The following SPTA1 variants were observed in gnomAD, a reference collection of about 807,000 sequenced individuals.
The protein encoded by SPTA1 is spectrin alpha, erythrocytic 1, also known as spectrin alpha chain, erythrocytic 1.
SPTA1 carries 177 observed loss-of-function variants against 324.7 expected under a neutral mutation model. That is an observed-to-expected ratio of 0.55 (90% CI 0.48 to 0.62). The LOEUF (loss-of-function observed/expected upper bound fraction) is 0.62. SPTA1 is among the 20% of genes least tolerant of loss of function. SPTA1 has a pLI of 0.00. For synonymous variants in SPTA1, 1,195 were observed against 1,041.3 expected (o/e 1.15, Z -2.84); for missense variants, 3,162 against 2,883.6 (o/e 1.10, Z -2.21).
At position 158,640,895 on chromosome 1, in the gene SPTA1, C is replaced by T. The variant is rs1001960348; in HGVS notation, c.4738-888G>A. ...AACAAAGCTGGAGGCATCACGCTAC[C>T]TGACTTCAAACTATACTACAAGGCT... On this transcript the variant is annotated intron_variant, in intron 33 of 51. Transcript: ENST00000643759. Among the ~76,000 whole-genome samples the T allele has an allele frequency of 6.2e-4, 95 of 152,174 alleles. 2 individuals are homozygous for T. Among genetic ancestry groups the T allele is most frequent in the Non-Finnish European group, 2.1e-4 (14 of 68,042 alleles).
rs747751954 is a variant in SPTA1 at position 158,653,390 on chromosome 1, G to A, written c.3072C>T (p.Gly1024=). The change falls in exon 22 of 52, where the codon GGC becomes GGT. Residue 1024 remains glycine, a synonymous_variant. Coordinates refer to ENST00000643759, the MANE Select transcript of SPTA1 (RefSeq NM_003126.4). Reference sequence around the variant, plus strand: ...TTCTGACATAGACAGCTGGGACAATGCCCTGATGATCAGCAGCTTCCACCT... The same window carrying A: ...TTCTGACATAGACAGCTGGGACAATACCCTGATGATCAGCAGCTTCCACCT... ...WWKVEAADHQ[G]IVPAVYVRRL... is the part of the protein sequence containing the mutation. 235 of 1,613,956 alleles carry A rather than the reference G, an allele frequency of 1.5e-4. No individual in the cohort carries two copies. Among genetic ancestry groups the A allele is most frequent in the Non-Finnish European group, 1.9e-4 (229 of 1,180,008 alleles).
chr1:158,647,526 C>A lies in SPTA1; in HGVS notation c.3896+13G>T, dbSNP rs1364787961. ...TTAGAGGCCAGACACGGAAGTTACCCACCCCACTCTACCTGGCCTTGCTGA... is the reference window on the plus strand; with the variant it reads ...TTAGAGGCCAGACACGGAAGTTACCAACCCCACTCTACCTGGCCTTGCTGA... On this transcript the variant is annotated intron_variant, in intron 27 of 51. Coordinates refer to ENST00000643759, the MANE Select transcript of SPTA1 (RefSeq NM_003126.4). 2 of 1,612,564 alleles carry A rather than the reference C, an allele frequency of 1.2e-6. No individual in the cohort carries two copies. Among genetic ancestry groups the A allele is most frequent in the African/African-American group, 1.3e-5 (1 of 74,858 alleles).
intron 20 of SPTA1, among the ~76,000 whole-genome samples, chr1:158,656,261 G>C (rs1652817168): frequency 6.6e-6 from 1 of 152,050 alleles, no homozygotes; most frequent in Non-Finnish European, 1.5e-5. Flanking sequence ...AAGATAAGAA[G>C]GAGAGACATA....
intron 39 of SPTA1, among the ~76,000 whole-genome samples, chr1:158,629,946 G>A (rs926402480): frequency 1.3e-5 from 2 of 151,542 alleles, no homozygotes; most frequent in Non-Finnish European, 3.0e-5. Context: ...AACCAAGGAG[G>A]TGAAAAGCTC....
At chr1:158,668,189 A>G in intron 14 of SPTA1, 127 bp from the exon 15 acceptor site, 3 of 1,063,030 alleles carry the variant, frequency 2.8e-6, no homozygotes, top group Non-Finnish European at 4.2e-6. Flanking sequence ...TAAAAGGGGG[A>G]AGTTTCCTAG....
intron 23 of SPTA1, among the ~76,000 whole-genome samples, chr1:158,651,877 AGT>A (rs1241625971): frequency 3.5e-5 from 5 of 143,766 alleles, no homozygotes; most frequent in Non-Finnish European, 5.9e-5. Context: ...AGCTCTAGGG[AGT>A]GCTCTCTCTC....
rs1649764831 is a variant in SPTA1, at chr1:158,619,347, A to G, written c.6418-13T>C. The G allele has an allele frequency of 1.2e-6, 2 of 1,613,412 alleles. No individual in the cohort carries two copies. The highest frequency in any genetic ancestry group is 1.3e-5 in the African/African-American group (1 of 75,032). ...CCTGCTCCCGTTCCTAAAACCCCAA[A>G]TCACAGACAACGTGACTGACATCGA... is the stretch of plus-strand genomic sequence containing the variant. On this transcript the variant is annotated splice_polypyrimidine_tract_variant and intron_variant, in intron 44 of 51. Transcript: ENST00000643759.
rs371700284 is a variant in SPTA1 at position 158,674,384 on chromosome 1, G to A, written c.1295C>T (p.Thr432Ile). ...ATTGGCATTCACGAGGTCTTGACCA[G>A]TCTCATCAGCAGATTGAAATCGGTC... The part of the protein sequence containing the change: ...YDDRFQSADE[T>I]GQDLVNANHE... Residue 432 changes from threonine (T) to isoleucine (I), a missense_variant, in exon 10 of 52, where the codon ACT becomes ATT. Transcript: ENST00000643759. 1.9e-6 allele frequency: 3 copies of A among 1,614,004 alleles called. No homozygotes were observed. The highest frequency in any genetic ancestry group is 2.7e-5 in the African/African-American group (2 of 74,918).
chr1:158,623,179 G>T lies in SPTA1; in HGVS notation c.5924C>A (p.Ala1975Asp), dbSNP rs371752399. The T allele has an allele frequency of 3.7e-6, 6 of 1,614,000 alleles. No individual in the cohort carries two copies. The African/African-American group carries it at 8.0e-5, about 22-fold the overall frequency. ...TLLAKQDTLDASLQSFQQERL... is the reference protein window; with the variant it reads ...TLLAKQDTLDDSLQSFQQERL... ...CTCTTGCTGGAAACTCTGCAGACTG[G>T]CATCCAGAGTGTCCTGAGAAAGATC... Residue 1975 changes from alanine (A) to aspartate (D), a missense_variant, in exon 43 of 52, where the codon GCC becomes GAC. Transcript: ENST00000643759.
At chr1:158,664,272 G>A (rs1653440728) in intron 16 of SPTA1, among the ~76,000 whole-genome samples, 1 of 152,092 alleles carries the variant, frequency 6.6e-6, no homozygotes, top group Non-Finnish European at 1.5e-5. Context: ...AGACTTAAAA[G>A]CAGCTCAGAT....
chr1:158,652,746 A>C, intron 22 of SPTA1, 93 bp from the exon 23 acceptor site: 2 of 1,408,126 alleles, frequency 1.4e-6, no homozygotes, highest in Non-Finnish European at 2.0e-6. Flanking sequence ...AAGGAACAAA[A>C]ATGAAAGGGA....
At chr1:158,665,549 C>T (rs1653533324) in intron 16 of SPTA1, among the ~76,000 whole-genome samples, 1 of 152,082 alleles carries the variant, frequency 6.6e-6, no homozygotes, top group Admixed American at 6.6e-5. Flanking sequence ...TGAAATCTCC[C>T]AAACCTCACA....
Position 158,619,335 on chromosome 1 carries a change from C to T in SPTA1, c.6418-1G>A. The T allele has an allele frequency of 6.2e-7, 1 of 1,614,076 alleles. No homozygotes were observed. Among genetic ancestry groups the T allele is most frequent in the Non-Finnish European group, 8.5e-7 (1 of 1,179,944 alleles). Reference sequence around the variant, plus strand: ...CCTTTTGCAGCTCCTGCTCCCGTTCCTAAAACCCCAAATCACAGACAACGT... The same window carrying T: ...CCTTTTGCAGCTCCTGCTCCCGTTCTTAAAACCCCAAATCACAGACAACGT... On this transcript the variant is annotated splice_acceptor_variant, in intron 44 of 51. Transcript: ENST00000643759. LOFTEE classifies it high-confidence loss of function.
chr1:158,685,669 G>A (rs1655124292), intron 1 of SPTA1, among the ~76,000 whole-genome samples: 1 of 152,044 alleles, frequency 6.6e-6, no homozygotes, highest in Admixed American at 6.6e-5. Flanking sequence ...CATAATTTCA[G>A]ATAGATAAAA....
At chr1:158,643,301 A>C in intron 31 of SPTA1, 21 bp downstream of exon 31, 1 of 1,613,260 alleles carries the variant, frequency 6.2e-7, no homozygotes, top group Admixed American at 1.7e-5. Context: ...TTGGCACATA[A>C]AACAATCACT....
chr1:158,647,426 G>T, intron 27 of SPTA1, 113 bp downstream of exon 27: 3 of 1,328,066 alleles, frequency 2.3e-6, no homozygotes, highest in Non-Finnish European at 3.2e-6. Flanking sequence ...CAAGAGGTGA[G>T]ACTTAAACGT....
chr1:158,675,903 T>C (rs937346524), intron 8 of SPTA1, among the ~76,000 whole-genome samples: 9 of 152,178 alleles, frequency 5.9e-5, no homozygotes, highest in Non-Finnish European at 1.2e-4. Flanking sequence ...AATTTTCCAT[T>C]TAACATTTTC....
chr1:158,669,654 A>G lies in SPTA1; in HGVS notation c.1677+55T>C, dbSNP rs566255764. 25 of 1,613,182 alleles carry G rather than the reference A, an allele frequency of 1.5e-5. No individual in the cohort carries two copies. The Admixed American group carries it at 4.2e-4, about 27-fold the overall frequency. On this transcript the variant is annotated intron_variant, in intron 13 of 51. Coordinates refer to ENST00000643759, the MANE Select transcript of SPTA1 (RefSeq NM_003126.4). ...CACCCTGGTCACCATGCCCACCAAA[A>G]CTCTTCTTGATTCTAGTGTGTAGGC...
rs546894415 is a variant in SPTA1 at position 158,640,702 on chromosome 1, C to T, written c.4738-695G>A. Among the ~76,000 whole-genome samples, 6 of 152,276 alleles carry T rather than the reference C, an allele frequency of 3.9e-5. No individual in the cohort carries two copies. In the South Asian group the frequency reaches 1.2e-3, roughly 32 times the overall value. ...AACAAATGGAAGAATATTCCATGCT[C>T]ATGGGTAGGAAGAATCAATGGCCAT... On this transcript the variant is annotated intron_variant, in intron 33 of 51. Transcript: ENST00000643759.
Sources: gnomAD v4.1 joint callset for allele counts (sites outside exome capture counted in the v4.1 genomes callset) on GRCh38, gnomAD v4.1.1 for gene constraint, MANE v1.5 for transcripts, NCBI Gene and HGNC (gene_info 2026-07-23, HGNC 2026-07-21) for gene names.